The following ERBB4 variants were observed in gnomAD, a reference collection of about 807,000 sequenced individuals.
ERBB4 encodes the protein receptor tyrosine-protein kinase erbB-4.
ERBB4 carries 42 observed loss-of-function variants against 158.0 expected under a neutral mutation model. The ratio of observed to expected loss-of-function variants is 0.27; its 90% confidence interval spans 0.21 to 0.34. The LOEUF is 0.34. Among genes scored for constraint, ERBB4 ranks in the 10% least tolerant of loss-of-function variants. The pLI, the probability that ERBB4 is intolerant of heterozygous loss-of-function variation, is 1.00. For synonymous variants in ERBB4, 583 were observed against 558.7 expected, an observed-to-expected ratio of 1.04 and a Z score of -0.61; for missense variants, 1,333 against 1,624.1, an observed-to-expected ratio of 0.82 and a Z score of 3.08.
At chr2:212,102,088 TTTTATATATATA>T (rs1559500772) in intron 2 of ERBB4, among the ~76,000 whole-genome samples, 4 of 25,510 alleles carry the variant, frequency 1.6e-4, no homozygotes, top group South Asian at 1.5e-3. Context: ...TGAAAATTTA[TTTTATATATATA>T]TATATATATA....
chr2:211,479,103 G>A (rs1029821064), intron 20 of ERBB4, among the ~76,000 whole-genome samples: 2 of 152,068 alleles, frequency 1.3e-5, no homozygotes, highest in Non-Finnish European at 2.9e-5. Context: ...AATCACCTAG[G>A]AAACTTAAAG....
Position 211,474,869 on chromosome 2 carries a change from C to A in ERBB4, c.2488-43769G>T, listed in dbSNP as rs948877901. ...TGGAAGAAGAGTTGATGTGAAGGAG[C>A]CAGAGAAGTAGGTGGAATGACAAGA... On this transcript the variant is annotated intron_variant, in intron 20 of 27. Coordinates refer to ENST00000342788, the MANE Select transcript of ERBB4 (RefSeq NM_005235.3). Among the ~76,000 whole-genome samples, 3 of 151,514 alleles carry A rather than the reference C, an allele frequency of 2.0e-5. No homozygotes were observed. The Admixed American group carries it at 2.0e-4, about 10-fold the overall frequency.
At chr2:211,527,747 T>C (rs10193035) in intron 20 of ERBB4, among the ~76,000 whole-genome samples, 64,370 of 151,816 alleles carry the variant, frequency 0.42, 14,168 homozygotes, top group East Asian at 0.69. Context: ...TAGTTTTCTT[T>C]TTGTTTGTTT....
At chr2:211,598,492 CT>C (rs1172547333) in intron 19 of ERBB4, among the ~76,000 whole-genome samples, 1 of 152,142 alleles carries the variant, frequency 6.6e-6, no homozygotes, top group Non-Finnish European at 1.5e-5. Flanking sequence ...AAACTTACAT[CT>C]GTTTGGAATA....
In ERBB4 at chr2:211,735,014, A is replaced by G. The variant is rs113173611; in HGVS notation, c.623-9820T>C. ...AAACAAAAGTGATAGACGAATAGAC[A>G]TGGCATACATATTTTTGTAAAACAC... is the stretch of plus-strand genomic sequence containing the variant. On this transcript the variant is annotated intron_variant, in intron 5 of 27. Coordinates refer to ENST00000342788, the MANE Select transcript of ERBB4 (RefSeq NM_005235.3). 1.4e-3 allele frequency among the ~76,000 whole-genome samples: 220 copies of G among 152,234 alleles called. 4 individuals carry two copies. The East Asian group carries it at 0.037, about 26-fold the overall frequency.
intron 1 of ERBB4, among the ~76,000 whole-genome samples, chr2:212,266,251 C>CAA (rs2085132987): frequency 6.6e-6 from 1 of 151,704 alleles, no homozygotes; most frequent in Admixed American, 6.6e-5. Flanking sequence ...ATTTTTTTCT[C>CAA]AAATATCTTT....
chr2:211,604,850 A>G (rs990055143), intron 19 of ERBB4, among the ~76,000 whole-genome samples: 3 of 152,340 alleles, frequency 2.0e-5, no homozygotes, highest in Admixed American at 6.5e-5. Context: ...TATCCACAAA[A>G]TAACTATTTG....
rs2080733001 is a variant in ERBB4 at position 211,947,457 on chromosome 2, G to C, written c.394C>G (p.Gln132Glu). 4.3e-6 allele frequency: 7 copies of C among 1,613,620 alleles called. No homozygotes were observed. The highest frequency in any genetic ancestry group is 1.3e-5 in the African/African-American group (1 of 74,900). Residue 132 changes from glutamine to glutamate, a missense_variant, in exon 3 of 28, where the codon CAA (glutamine) becomes GAA (glutamate). Gln to Glu is a conservative substitution (Grantham distance 29). Transcript: ENST00000342788. ...NYRKDGNFGLQELGLKNLTEI... is the reference protein window; with the variant it reads ...NYRKDGNFGLEELGLKNLTEI... ...GTCAAGTTCTTTAATCCAAGTTCTT[G>C]AAGTCCAAAGTTTCCATCTTTTCTG...
chr2:211,713,731 T>TA, intron 7 of ERBB4, 83 bp from the exon 8 acceptor site: 1 of 792,668 alleles, frequency 1.3e-6, no homozygotes, highest in Non-Finnish European at 2.2e-6. Flanking sequence ...TTTTAGGGTT[T>TA]AAAAATGATT....
chr2:212,005,797 A>G (rs1367063442), intron 2 of ERBB4, among the ~76,000 whole-genome samples: 1 of 152,188 alleles, frequency 6.6e-6, no homozygotes, highest in Non-Finnish European at 1.5e-5. Flanking sequence ...TGTTAAAGAT[A>G]ACTCTAAGCT....
chr2:211,963,027 A>G (rs2081220270), intron 2 of ERBB4, among the ~76,000 whole-genome samples: 1 of 152,156 alleles, frequency 6.6e-6, no homozygotes, highest in Admixed American at 6.6e-5. Context: ...TGTGTGCTTA[A>G]TATGTTTTTA....
intron 5 of ERBB4, among the ~76,000 whole-genome samples, chr2:211,726,106 A>G (rs80284712): frequency 0.035 from 5,335 of 152,208 alleles, 316 homozygotes; most frequent in East Asian, 0.23. Flanking sequence ...TATGTATAGT[A>G]TATCACTTCC....
At chr2:211,760,932 G>A (rs550675591) in intron 4 of ERBB4, among the ~76,000 whole-genome samples, 2 of 152,070 alleles carry the variant, frequency 1.3e-5, no homozygotes, top group Non-Finnish European at 1.5e-5. Context: ...TGGGTCGGGC[G>A]TGGTGTCTCA....
intron 4 of ERBB4, among the ~76,000 whole-genome samples, chr2:211,767,228 C>G (rs1214101745): frequency 1.3e-5 from 2 of 152,294 alleles, no homozygotes; most frequent in East Asian, 3.9e-4. Context: ...TCACCCTCCA[C>G]TGGTAACAGA....
chr2:211,882,390 T>A (rs1196856154), intron 3 of ERBB4, among the ~76,000 whole-genome samples: 1 of 152,114 alleles, frequency 6.6e-6, no homozygotes, highest in Non-Finnish European at 1.5e-5. Flanking sequence ...TTTTTTATTT[T>A]TATCTTTTAA....
chr2:211,856,824 T>C (rs1266898918), intron 3 of ERBB4, among the ~76,000 whole-genome samples: 2 of 152,184 alleles, frequency 1.3e-5, no homozygotes, highest in Admixed American at 1.3e-4. Context: ...GCTGTTTCAA[T>C]GTTTATGAAC....
At chr2:212,356,223 G>A (rs1368261595) in intron 1 of ERBB4, among the ~76,000 whole-genome samples, 1 of 151,902 alleles carries the variant, frequency 6.6e-6, no homozygotes, top group Admixed American at 6.6e-5. Context: ...ACTTTGGAGG[G>A]GGCAGTCAAC....
intron 3 of ERBB4, among the ~76,000 whole-genome samples, chr2:211,888,731 A>C (rs1263241927): frequency 1.3e-5 from 2 of 152,122 alleles, no homozygotes; most frequent in East Asian, 3.9e-4. Flanking sequence ...GCATTGCCTC[A>C]CCTGGGAAGC....
chr2:212,145,474 A>G lies in ERBB4; in HGVS notation c.83-20571T>C, dbSNP rs1000866111. On this transcript the variant is annotated intron_variant, in intron 1 of 27. Coordinates refer to ENST00000342788, the MANE Select transcript of ERBB4 (RefSeq NM_005235.3). The stretch of plus-strand genomic sequence containing the variant: ...TTTCACATGCCATCTTAGAATAATT[A>G]ACTTACCCCAGAAAAGCTAAAGAGA... Among the ~76,000 whole-genome samples, 9 of 152,166 alleles carry G rather than the reference A, an allele frequency of 5.9e-5. No individual in the cohort carries two copies. The South Asian group carries it at 8.3e-4, about 14-fold the overall frequency.
Sources: gnomAD v4.1 joint callset for allele counts (sites outside exome capture counted in the v4.1 genomes callset) on GRCh38, gnomAD v4.1.1 for gene constraint, MANE v1.5 for transcripts, NCBI Gene and HGNC (gene_info 2026-07-23, HGNC 2026-07-21) for gene names.